Variants in GALK2 observed in about 807,000 individuals in gnomAD.
GALK2 encodes galactokinase 2.
In GALK2, 36 loss-of-function variants were observed where a neutral mutation model predicts 52.4. The ratio of observed to expected loss-of-function variants is 0.69; its 90% confidence interval spans 0.53 to 0.91. GALK2 has a LOEUF of 0.91. Among genes scored for constraint, GALK2 ranks in the 40% least tolerant of loss-of-function variants. The pLI, the probability that GALK2 is intolerant of heterozygous loss-of-function variation, is 0.00. For synonymous variants in GALK2, 176 were observed against 199.1 expected, an observed-to-expected ratio of 0.88 and a Z score of 0.98; for missense variants, 579 against 559.1, an observed-to-expected ratio of 1.04 and a Z score of -0.36.
intron 8 of GALK2, chr15:49,319,098 C>T (rs1238980061): frequency 2.7e-6 from 1 of 373,960 alleles, no homozygotes; most frequent in Non-Finnish European, 5.1e-6. Flanking sequence ...TTACATGCAC[C>T]CACCATCATC....
At chr15:49,276,904 G>GTTTTT (rs34440691) in intron 5 of GALK2, among the ~76,000 whole-genome samples, 1 of 77,900 alleles carries the variant, frequency 1.3e-5, no homozygotes, top group Admixed American at 1.4e-4. Flanking sequence ...AGAATCTGAG[G>GTTTTT]TTTTTTTTTT....
At chr15:49,170,237 G>C, upstream of GALK2, 1 of 1,537,490 alleles carries the variant, frequency 6.5e-7, no homozygotes, top group East Asian at 2.5e-5. Context: ...GGAAGAAAAC[G>C]GCTCCTGTCA....
chr15:49,172,292 T>G (rs73390362), intron 1 of GALK2, among the ~76,000 whole-genome samples: 28,381 of 152,174 alleles, frequency 0.19, 2,805 homozygotes, highest in Non-Finnish European at 0.21. Context: ...ATATTATTCA[T>G]GTAACAAATA....
chr15:49,293,412 C>T (rs1370719139), intron 8 of GALK2, among the ~76,000 whole-genome samples: 1 of 152,216 alleles, frequency 6.6e-6, no homozygotes, highest in African/African-American at 2.4e-5. Context: ...GTCTTTAGAA[C>T]CAGAATAAGC....
At chr15:49,203,354 T>A (rs1432293369) in intron 2 of GALK2, among the ~76,000 whole-genome samples, 1 of 152,148 alleles carries the variant, frequency 6.6e-6, no homozygotes, top group Non-Finnish European at 1.5e-5. Context: ...CCGAGACCAT[T>A]TGCCAATTTT....
At chr15:49,215,029 C>T (rs907381530) in intron 2 of GALK2, among the ~76,000 whole-genome samples, 8 of 152,172 alleles carry the variant, frequency 5.3e-5, no homozygotes, top group African/African-American at 1.9e-4. Flanking sequence ...TTCTTCAACA[C>T]TTTGAATATG....
chr15:49,257,223 G>A (rs2091850291), intron 5 of GALK2, among the ~76,000 whole-genome samples: 1 of 152,146 alleles, frequency 6.6e-6, no homozygotes, highest in East Asian at 1.9e-4. Context: ...GTTATATACA[G>A]ACATAAATCC....
In GALK2 at chr15:49,283,789, ACTTTATCT is replaced by A; in HGVS notation, c.756+76_756+83del. ...GTCTTTATTTTCATTGTTCTCTATT[ACTTTATCT>A]CTTTCCCCAAATTTTAGGGCAACAT... On this transcript the variant is annotated intron_variant, in intron 7 of 9. Coordinates refer to ENST00000560031, the MANE Select transcript of GALK2 (RefSeq NM_002044.4). 4 of 1,501,998 alleles carry A rather than the reference ACTTTATCT, an allele frequency of 2.7e-6. No homozygotes were observed. The South Asian group carries it at 4.9e-5, about 18-fold the overall frequency. The allele number at this position is 1,501,998 out of a possible 1,614,324, so 93.0% of individuals were successfully genotyped here. A position where few individuals can be genotyped will look rare whatever the true frequency, so the allele number is the denominator to read the frequency against.
intron 5 of GALK2, among the ~76,000 whole-genome samples, chr15:49,240,109 T>C (rs1188686648): frequency 6.6e-6 from 1 of 152,180 alleles, no homozygotes; most frequent in Non-Finnish European, 1.5e-5. Context: ...ATTTTATGTA[T>C]AGGAGGAAGG....
At chr15:49,366,834 T>C in intron 3 of GALK2, 1 of 543,106 alleles carries the variant, frequency 1.8e-6, no homozygotes, top group Non-Finnish European at 3.2e-6. Flanking sequence ...CAGCCCACAC[T>C]CTAATTTAGT....
intron 3 of GALK2, among the ~76,000 whole-genome samples, chr15:49,233,708 T>C (rs1260577574): frequency 6.6e-6 from 1 of 152,222 alleles, no homozygotes; most frequent in Non-Finnish European, 1.5e-5. Flanking sequence ...TGAGTGACAG[T>C]AGAGTAAAAT....
At chr15:49,199,681 A>G (rs1007213741) in intron 1 of GALK2, among the ~76,000 whole-genome samples, 2 of 152,196 alleles carry the variant, frequency 1.3e-5, no homozygotes, top group South Asian at 2.1e-4. Context: ...ACGAAAGGAC[A>G]CAGAAACGTA....
At chr15:49,318,853 C>T (rs2036637458) in intron 8 of GALK2, 1 of 426,834 alleles carries the variant, frequency 2.3e-6, no homozygotes, top group Non-Finnish European at 4.6e-6. Context: ...CATGTCACTT[C>T]ACTCTATTGA....
At chr15:49,210,670 A>T (rs1322418866) in intron 2 of GALK2, among the ~76,000 whole-genome samples, 2 of 151,856 alleles carry the variant, frequency 1.3e-5, no homozygotes, top group Non-Finnish European at 2.9e-5. Context: ...CGAACTCCTG[A>T]CCTCAGGTGA....
At chr15:49,224,843 G>C (rs1234759745) in intron 3 of GALK2, among the ~76,000 whole-genome samples, 1 of 152,142 alleles carries the variant, frequency 6.6e-6, no homozygotes, top group African/African-American at 2.4e-5. Context: ...TCTTTTAACT[G>C]TGGTTTAAAT....
intron 3 of GALK2, chr15:49,367,359 ATTTG>A (rs2045380567): frequency 1.7e-6 from 2 of 1,173,722 alleles, no homozygotes; most frequent in African/African-American, 1.6e-5. Context: ...CATGCATTCA[ATTTG>A]TTTCTCAATT....
At chr15:49,184,916 A>G (rs893374277) in intron 1 of GALK2, among the ~76,000 whole-genome samples, 2 of 152,128 alleles carry the variant, frequency 1.3e-5, no homozygotes, top group African/African-American at 2.4e-5. Flanking sequence ...TAGTGTTACA[A>G]TGTTCTGTGT....
chr15:49,315,588 G>C (rs919546103), intron 8 of GALK2, among the ~76,000 whole-genome samples: 5 of 152,218 alleles, frequency 3.3e-5, no homozygotes, highest in African/African-American at 1.2e-4. Flanking sequence ...CTCCAAATCT[G>C]TTGTAGCTTT....
chr15:49,170,149 C>T, upstream of GALK2: 1 of 1,428,022 alleles, frequency 7.0e-7, no homozygotes, highest in Non-Finnish European at 9.2e-7. Context: ...GGAGGAGGAG[C>T]CAGAGGAGGG....
Sources: gnomAD v4.1 joint callset for allele counts (sites outside exome capture counted in the v4.1 genomes callset) on GRCh38, gnomAD v4.1.1 for gene constraint, MANE v1.5 for transcripts, NCBI Gene and HGNC (gene_info 2026-07-23, HGNC 2026-07-21) for gene names.